ADORA2B: variants seen among roughly 807,000 people sequenced by gnomAD.
ADORA2B encodes the protein adenosine A2b receptor.
A neutral mutation model predicts 20.8 loss-of-function variants in ADORA2B; 18 were observed. The observed-to-expected ratio is 0.87, with a 90% CI of 0.60 to 1.29. The LOEUF (loss-of-function observed/expected upper bound fraction) is 1.29. Among genes scored for constraint, ADORA2B ranks in the 50% most tolerant of loss-of-function variants. The pLI, the probability that ADORA2B is intolerant of heterozygous loss-of-function variation, is 0.00. For synonymous variants in ADORA2B, 179 were observed against 178.3 expected (o/e 1.00, Z -0.03); for missense variants, 441 against 422.7 (o/e 1.04, Z -0.38).
chr17:15,884,059 C>T, the ADORA2B span, among the ~76,000 whole-genome samples: 18,856 of 152,228 alleles, frequency 0.12, 1,538 homozygotes, highest in South Asian at 0.24. Flanking sequence ...CAGAGTCACA[C>T]TCTAGTAAGG....
At chr17:15,968,932 T>A (rs1199443325) in intron 1 of ADORA2B, among the ~76,000 whole-genome samples, 1 of 152,120 alleles carries the variant, frequency 6.6e-6, no homozygotes, top group Non-Finnish European at 1.5e-5. Flanking sequence ...TGGGGTTTGG[T>A]TGTGCGGTTC....
chr17:15,968,855 T>C (rs1567783653), intron 1 of ADORA2B, among the ~76,000 whole-genome samples: 1 of 152,238 alleles, frequency 6.6e-6, no homozygotes, highest in East Asian at 1.9e-4. Flanking sequence ...GCATAGGCGG[T>C]GGCAGCTGTG....
chr17:15,924,769 G>T, the ADORA2B span, among the ~76,000 whole-genome samples: 1 of 151,558 alleles, frequency 6.6e-6, no homozygotes, highest in South Asian at 2.1e-4. Flanking sequence ...AGTATTTATG[G>T]TATATATCAA....
chr17:15,880,997 GT>G, the ADORA2B span, among the ~76,000 whole-genome samples: 1 of 152,210 alleles, frequency 6.6e-6, no homozygotes, highest in Non-Finnish European at 1.5e-5. Flanking sequence ...GGGAGGATCC[GT>G]TTTTGCCAAA....
chr17:15,857,119 G>C, the ADORA2B span, among the ~76,000 whole-genome samples: 3 of 152,228 alleles, frequency 2.0e-5, no homozygotes. Flanking sequence ...TAGCTCCAGT[G>C]GTGGCCAGAA....
At chr17:15,915,273 C>T in the ADORA2B span, among the ~76,000 whole-genome samples, 5 of 152,170 alleles carry the variant, frequency 3.3e-5, no homozygotes, top group Non-Finnish European at 5.9e-5. Flanking sequence ...TCTGCTGCTG[C>T]GAAAGGCGCT....
Position 15,945,347 on chromosome 17 carries a change from C to T in ADORA2B, c.99C>T (p.Gly33=), listed in dbSNP as rs1372116801. ...ACGTGCTGGTGTGCGCCGCGGTGGG[C>T]ACGGCGAACACTCTGCAGACGCCCA... ...AGNVLVCAAV[G]TANTLQTPTN... is the part of the protein sequence containing the mutation. The change falls in exon 1 of 2, where the codon GGC becomes GGT. Residue 33 remains glycine (G), a synonymous_variant. Coordinates refer to ENST00000304222, the MANE Select transcript of ADORA2B (RefSeq NM_000676.4). The T allele has an allele frequency of 2.5e-6, 4 of 1,607,418 alleles. No individual in the cohort carries two copies. Among genetic ancestry groups the T allele is most frequent in the Non-Finnish European group, 3.4e-6 (4 of 1,178,754 alleles).
At chr17:15,918,328 C>A in the ADORA2B span, among the ~76,000 whole-genome samples, 1 of 152,180 alleles carries the variant, frequency 6.6e-6, no homozygotes, top group Non-Finnish European at 1.5e-5. Flanking sequence ...GGGCTTATAT[C>A]TTCTTTTGCG....
chr17:15,947,836 T>C (rs1969829124), intron 1 of ADORA2B, among the ~76,000 whole-genome samples: 1 of 152,104 alleles, frequency 6.6e-6, no homozygotes, highest in South Asian at 2.1e-4. Context: ...CTGGAGTGGG[T>C]GTCGAGGGGA....
At chr17:15,974,499 A>G (rs982599274) in intron 1 of ADORA2B, 180 bp from the exon 2 acceptor site, 2 of 558,616 alleles carry the variant, frequency 3.6e-6, no homozygotes, top group Admixed American at 3.2e-5. Flanking sequence ...TGAGTTTTCT[A>G]GAGCAAAGCT....
chr17:15,867,688 C>T, the ADORA2B span, among the ~76,000 whole-genome samples: 1 of 149,698 alleles, frequency 6.7e-6, no homozygotes, highest in East Asian at 2.0e-4. Context: ...CAGCCCCCCG[C>T]CCGGCCAGCC....
At chr17:15,931,218 TGTC>T in the ADORA2B span, among the ~76,000 whole-genome samples, 1 of 152,162 alleles carries the variant, frequency 6.6e-6, no homozygotes, top group Non-Finnish European at 1.5e-5. Context: ...CCAGATGTAA[TGTC>T]TATGTTATTC....
the ADORA2B span, among the ~76,000 whole-genome samples, chr17:15,937,312 G>A: frequency 6.6e-6 from 1 of 152,172 alleles, no homozygotes; most frequent in Non-Finnish European, 1.5e-5. Flanking sequence ...AGTTAGCTTA[G>A]TGGTCAGCTG....
the ADORA2B span, among the ~76,000 whole-genome samples, chr17:15,910,301 ACTT>A: frequency 6.7e-6 from 1 of 150,052 alleles, no homozygotes; most frequent in Non-Finnish European, 1.5e-5. Context: ...AAATACGTAA[ACTT>A]TTTTTTTTTT....
chr17:15,878,227 C>CACAT, the ADORA2B span, among the ~76,000 whole-genome samples: 1 of 149,756 alleles, frequency 6.7e-6, no homozygotes, highest in Non-Finnish European at 1.5e-5. Context: ...TATATAAATA[C>CACAT]ACATACTCCT....
chr17:15,932,760 T>C, the ADORA2B span, among the ~76,000 whole-genome samples: 47 of 152,150 alleles, frequency 3.1e-4, no homozygotes, highest in Non-Finnish European at 5.6e-4. Flanking sequence ...TGACCATAAA[T>C]GTAAGCATTT....
At chr17:15,911,394 G>A in the ADORA2B span, among the ~76,000 whole-genome samples, 1 of 152,196 alleles carries the variant, frequency 6.6e-6, no homozygotes, top group East Asian at 1.9e-4. Context: ...TTTATGTGGG[G>A]AGGCAGTTGT....
chr17:15,890,809 T>A, the ADORA2B span, among the ~76,000 whole-genome samples: 1 of 152,062 alleles, frequency 6.6e-6, no homozygotes, highest in Non-Finnish European at 1.5e-5. Flanking sequence ...CAGCCCATTT[T>A]ATGGAATGGG....
At chr17:15,858,415 C>T in the ADORA2B span, among the ~76,000 whole-genome samples, 1 of 152,182 alleles carries the variant, frequency 6.6e-6, no homozygotes, top group Admixed American at 6.5e-5. Context: ...TACACACGTC[C>T]TTGAATATAC....
Sources: allele counts gnomAD v4.1 joint callset (sites outside exome capture counted in the v4.1 genomes callset), GRCh38; gene constraint gnomAD v4.1.1; transcripts MANE v1.5; gene names NCBI Gene and HGNC (gene_info 2026-07-23, HGNC 2026-07-21).